The following EMC7 variants were observed in gnomAD, a reference collection of about 807,000 sequenced individuals.
EMC7 encodes ER membrane protein complex subunit 7.
A neutral mutation model predicts 24.4 loss-of-function variants in EMC7; 4 were observed. That is an observed-to-expected ratio of 0.16 (90% CI 0.08 to 0.38). The LOEUF is 0.38. Ranked by LOEUF, EMC7 falls within the 10% of genes least tolerant of loss-of-function variation. The probability of loss-of-function intolerance (pLI) is 1.00; values close to 1 mark genes in which losing one functional copy is unlikely to be tolerated. For missense variants in EMC7, 221 were observed against 300.6 expected, an observed-to-expected ratio of 0.74 and a Z score of 1.96; for synonymous variants, 106 against 112.0, an observed-to-expected ratio of 0.95 and a Z score of 0.34.
At chr15:34,086,724 C>T (rs1225404809) in intron 4 of EMC7, among the ~76,000 whole-genome samples, 3 of 152,186 alleles carry the variant, frequency 2.0e-5, no homozygotes, top group Non-Finnish European at 2.9e-5. Context: ...CCACCGCGCC[C>T]GGCCAGAATG....
In EMC7 at chr15:34,084,214, T is replaced by C. The variant is rs1900837700; in HGVS notation, c.*120A>G. 1.6e-6 allele frequency: 2 copies of C among 1,256,156 alleles called. No homozygotes were observed. The highest frequency in any genetic ancestry group is 3.1e-5 in the South Asian group (2 of 65,100). 77.8% of individuals were successfully genotyped at this position (1,256,156 alleles called of 1,614,324 possible). A position where few individuals can be genotyped will look rare whatever the true frequency, so the allele number is the denominator to read the frequency against. On this transcript the variant is annotated 3_prime_UTR_variant, in exon 5 of 5. Transcript: ENST00000256545. Reference sequence around the variant, plus strand: ...GTGCTAAAAAGTTAACATACACAGTTGTAAGAGATCAACGTCGGGATGACT... The same window carrying C: ...GTGCTAAAAAGTTAACATACACAGTCGTAAGAGATCAACGTCGGGATGACT...
At chr15:34,094,754 AAAAG>A (rs1901037716) in intron 2 of EMC7, among the ~76,000 whole-genome samples, 1 of 152,170 alleles carries the variant, frequency 6.6e-6, no homozygotes, top group African/African-American at 2.4e-5. Context: ...TATACATGCT[AAAAG>A]AAGAGAAAGA....
At chr15:34,092,261 T>TCACACACACACACACACACA (rs375005510) in intron 2 of EMC7, among the ~76,000 whole-genome samples, 2,027 of 141,608 alleles carry the variant, frequency 0.014, 19 homozygotes, top group East Asian at 0.025. Flanking sequence ...TGAGACTCCG[T>TCACACACACACACACACACA]CACACACACA....
intron 1 of EMC7, among the ~76,000 whole-genome samples, chr15:34,098,877 A>G (rs1483951582): frequency 2.0e-5 from 3 of 151,982 alleles, no homozygotes; most frequent in African/African-American, 7.2e-5. Context: ...AAATATATTT[A>G]TCATCCTAAG....
Position 34,101,846 on chromosome 15 carries a change from A to T in EMC7, c.-7T>A, listed in dbSNP as rs762140693. On this transcript the variant is annotated 5_prime_UTR_variant, in exon 1 of 5. Coordinates refer to ENST00000256545, the MANE Select transcript of EMC7 (RefSeq NM_020154.3). ...CCCACAGAGCGGCCGCCATGACAGC[A>T]GCTCTGCACTCAGACCGGCAGCCCC... 6.3e-7 allele frequency: 1 copy of T among 1,585,070 alleles called. No individual in the cohort carries two copies. The highest frequency in any genetic ancestry group is 8.6e-7 in the Non-Finnish European group (1 of 1,168,808).
chr15:34,100,074 C>G (rs1567504371), intron 1 of EMC7, among the ~76,000 whole-genome samples: 1 of 152,352 alleles, frequency 6.6e-6, no homozygotes, highest in East Asian at 1.9e-4. Flanking sequence ...GGCACCGTGG[C>G]TCACGCCTAT....
At chr15:34,100,278 C>T (rs530107183) in intron 1 of EMC7, among the ~76,000 whole-genome samples, 5 of 152,278 alleles carry the variant, frequency 3.3e-5, no homozygotes, top group Non-Finnish European at 5.9e-5. Flanking sequence ...AAGTTCGAAG[C>T]TGCCATGAAC....
intron 1 of EMC7, among the ~76,000 whole-genome samples, chr15:34,101,180 G>A (rs1458517766): frequency 1.3e-5 from 2 of 152,058 alleles, no homozygotes; most frequent in Non-Finnish European, 2.9e-5. Context: ...TCCCACTTGT[G>A]TCGCATCTTT....
intron 2 of EMC7, 134 bp downstream of exon 2, chr15:34,095,761 T>A: frequency 1.2e-6 from 1 of 805,412 alleles, no homozygotes; most frequent in Non-Finnish European, 1.7e-6. Context: ...AACGAGGATA[T>A]TTTAAGTGTT....
chr15:34,093,823 ATTTTTTTTT>A (rs753095506), intron 2 of EMC7, among the ~76,000 whole-genome samples: 2 of 48,714 alleles, frequency 4.1e-5, no homozygotes, highest in African/African-American at 2.2e-4. Flanking sequence ...ATATATATAT[ATTTTTTTTT>A]TTTTTTTTTT....
chr15:34,088,178 A>G, intron 3 of EMC7, 45 bp from the exon 4 acceptor site: 1 of 1,530,486 alleles, frequency 6.5e-7, no homozygotes, highest in Non-Finnish European at 8.9e-7. Context: ...CCCACTTTAC[A>G]GTTAATAGAA....
rs143551689 is a variant in EMC7, at chr15:34,093,782, T to TACAC, written c.356+2109_356+2112dup. On this transcript the variant is annotated intron_variant, in intron 2 of 4. Coordinates refer to ENST00000256545, the MANE Select transcript of EMC7 (RefSeq NM_020154.3). ...AACTTTACATATACACATATATGTA[T>TACAC]ACACACACACACACACACACACACA... 1.7e-3 allele frequency among the ~76,000 whole-genome samples: 40 copies of TACAC among 23,384 alleles called. 3 individuals carry two copies. In the South Asian group the frequency reaches 0.032, roughly 19 times the overall value. 15.3% of individuals were successfully genotyped at this position (23,384 alleles called of 152,430 possible).
At chr15:34,096,769 C>T (rs528885094) in intron 1 of EMC7, among the ~76,000 whole-genome samples, 32 of 152,024 alleles carry the variant, frequency 2.1e-4, no homozygotes, top group African/African-American at 7.7e-4. Context: ...AGACAGATCA[C>T]CTGAGGTTGG....
At chr15:34,087,069 T>C (rs1260942825) in intron 4 of EMC7, among the ~76,000 whole-genome samples, 1 of 152,182 alleles carries the variant, frequency 6.6e-6, no homozygotes, top group African/African-American at 2.4e-5. Context: ...CAAAATCCCC[T>C]GATAGCAAGA....
intron 4 of EMC7, 73 bp downstream of exon 4, chr15:34,087,980 T>C: frequency 7.5e-7 from 1 of 1,329,380 alleles, no homozygotes; most frequent in African/African-American, 1.5e-5. Context: ...ATTGTGCCAC[T>C]GCATTCCAGC....
At chr15:34,094,658 C>T (rs1036395562) in intron 2 of EMC7, among the ~76,000 whole-genome samples, 10 of 151,666 alleles carry the variant, frequency 6.6e-5, no homozygotes, top group African/African-American at 9.7e-5. Flanking sequence ...GCCAAGATTG[C>T]GCCACTGCAC....
At chr15:34,086,447 TA>T (rs1186148046) in intron 4 of EMC7, 1 of 152,454 alleles carries the variant, frequency 6.6e-6, no homozygotes, top group Admixed American at 6.7e-5. Flanking sequence ...TTTTTTTTTT[TA>T]ACGGAGTTTT....
At chr15:34,093,650 T>C (rs1233807537) in intron 2 of EMC7, among the ~76,000 whole-genome samples, 1 of 150,246 alleles carries the variant, frequency 6.7e-6, no homozygotes. Context: ...AAGCAGTATA[T>C]ATAACATATA....
chr15:34,101,544 G>C, intron 1 of EMC7, 60 bp downstream of exon 1: 3 of 1,550,790 alleles, frequency 1.9e-6, no homozygotes, highest in Non-Finnish European at 1.8e-6. Context: ...TAACTCTCCT[G>C]GTGGGGTCCC....
Sources: gnomAD v4.1 joint callset for allele counts (sites outside exome capture counted in the v4.1 genomes callset) on GRCh38, gnomAD v4.1.1 for gene constraint, MANE v1.5 for transcripts, NCBI Gene and HGNC (gene_info 2026-07-23, HGNC 2026-07-21) for gene names.